The following TM4SF20 variants were observed in gnomAD, a reference collection of about 807,000 sequenced individuals.
TM4SF20 encodes the protein transmembrane 4 L6 family member 20.
TM4SF20 carries 13 observed loss-of-function variants against 15.1 expected under a neutral mutation model. The observed-to-expected ratio is 0.86, with a 90% CI of 0.56 to 1.36. The LOEUF (loss-of-function observed/expected upper bound fraction) is 1.36, where lower values mean the gene tolerates loss of function less well. TM4SF20 is among the 40% of genes most tolerant of loss of function. TM4SF20 has a pLI of 0.00. For missense variants in TM4SF20, 282 were observed against 268.4 expected (o/e 1.05, Z -0.35); for synonymous variants, 92 against 96.6 (o/e 0.95, Z 0.28).
intron 2 of TM4SF20, among the ~76,000 whole-genome samples, chr2:227,368,335 T>TCATA (rs1553786651): frequency 8.1e-6 from 1 of 122,726 alleles, no homozygotes; most frequent in Non-Finnish European, 1.7e-5. Context: ...CATCTATTAT[T>TCATA]TATATATATA....
At chr2:227,378,210 C>CATTTT (rs2076461315) in intron 1 of TM4SF20, among the ~76,000 whole-genome samples, 1 of 152,146 alleles carries the variant, frequency 6.6e-6, no homozygotes. Flanking sequence ...TCCACATCCC[C>CATTTT]ATTTTACACA....
At chr2:227,374,310 G>A (rs1336860906) in intron 1 of TM4SF20, among the ~76,000 whole-genome samples, 3 of 152,148 alleles carry the variant, frequency 2.0e-5, no homozygotes, top group Non-Finnish European at 2.9e-5. Flanking sequence ...ACTTCAAGGC[G>A]TATTAACACA....
intron 1 of TM4SF20, among the ~76,000 whole-genome samples, chr2:227,375,704 C>T (rs540597636): frequency 3.0e-4 from 46 of 152,136 alleles, no homozygotes; most frequent in East Asian, 7.8e-4. Context: ...TTAGCCAGGA[C>T]GGTCTTGATC....
intron 1 of TM4SF20, 56 bp downstream of exon 1, chr2:227,379,030 A>T: frequency 6.4e-7 from 1 of 1,558,282 alleles, no homozygotes; most frequent in Non-Finnish European, 8.7e-7. Context: ...AGCTTTTAGG[A>T]TTTTGGTGAA....
At chr2:227,377,353 G>A (rs757327968) in intron 1 of TM4SF20, among the ~76,000 whole-genome samples, 1 of 152,182 alleles carries the variant, frequency 6.6e-6, no homozygotes, top group Non-Finnish European at 1.5e-5. Context: ...ACAGACACAC[G>A]GATGTACAGT....
In TM4SF20 at chr2:227,372,627, G is replaced by A. The variant is rs200847588; in HGVS notation, c.184-1647C>T. On this transcript the variant is annotated intron_variant, in intron 1 of 3. Transcript: ENST00000304568. ...CTGCACTCCGGCCTGGCGACAGAGC[G>A]AGACTCTATCTCAAAAAAACAAACA... is the stretch of plus-strand genomic sequence containing the variant. Among the ~76,000 whole-genome samples the A allele has an allele frequency of 7.2e-5, 11 of 151,968 alleles. No individual in the cohort carries two copies. The East Asian group carries it at 7.8e-4, about 11-fold the overall frequency.
chr2:227,364,062 A>C, intron 3 of TM4SF20, 50 bp from the exon 4 acceptor site: 1 of 1,534,140 alleles, frequency 6.5e-7, no homozygotes. Context: ...CCCTGACCAA[A>C]GGAAAGTAGC....
chr2:227,368,335 T>A lies in TM4SF20; in HGVS notation c.250-2091A>T, dbSNP rs377668506. On this transcript the variant is annotated intron_variant, in intron 2 of 3. Coordinates refer to ENST00000304568, the MANE Select transcript of TM4SF20 (RefSeq NM_024795.4). ...ACCACGCCTGGCCGCCATCTATTAT[T>A]TATATATATATATATATATAATTTT... 8.1e-3 allele frequency among the ~76,000 whole-genome samples: 990 copies of A among 122,164 alleles called. 11 individuals carry two copies. The highest frequency in any genetic ancestry group is 0.012 in the African/African-American group (391 of 31,868). 80.1% of individuals were successfully genotyped at this position (122,164 alleles called of 152,430 possible).
chr2:227,364,587 G>C (rs1373935114), intron 3 of TM4SF20, among the ~76,000 whole-genome samples: 4 of 152,148 alleles, frequency 2.6e-5, no homozygotes, highest in Non-Finnish European at 4.4e-5. Flanking sequence ...GTTTACTGTA[G>C]AGTAAAATGG....
Position 227,366,380 on chromosome 2 carries a change from G to A in TM4SF20, c.250-136C>T, listed in dbSNP as rs1324142112. 7 of 693,680 alleles carry A rather than the reference G, an allele frequency of 1.0e-5. No individual in the cohort carries two copies. In the Admixed American group the frequency reaches 1.9e-4, roughly 19 times the overall value. 43.0% of individuals were successfully genotyped at this position (693,680 alleles called of 1,614,324 possible). On this transcript the variant is annotated intron_variant, in intron 2 of 3. Coordinates refer to ENST00000304568, the MANE Select transcript of TM4SF20 (RefSeq NM_024795.4). Reference sequence around the variant, plus strand: ...ATCTTAAGATCACAGTTTATTAGGTGTGAATGATACAAAAAGGCAGAGGGC... The same window carrying A: ...ATCTTAAGATCACAGTTTATTAGGTATGAATGATACAAAAAGGCAGAGGGC...
intron 2 of TM4SF20, among the ~76,000 whole-genome samples, chr2:227,367,635 C>A (rs1026595924): frequency 3.9e-5 from 6 of 152,138 alleles, no homozygotes; most frequent in African/African-American, 1.4e-4. Flanking sequence ...TGGGATAATG[C>A]AGCTCCCACA....
Position 227,363,757 on chromosome 2 carries a change from A to T in TM4SF20, c.657T>A (p.Cys219Ter). 1 of 1,614,160 alleles carries T rather than the reference A, an allele frequency of 6.2e-7. No individual in the cohort carries two copies. The highest frequency in any genetic ancestry group is 1.1e-5 in the South Asian group (1 of 91,080). The part of the protein sequence containing the change: ...QIVIGFLGCL[C>*]GVSKRRSQIV ...TTTGACTTCTTCGCTTAGAGACTCC[A>T]CACAGACAGCCAAGGAAACCGATGA... The change falls in exon 4 of 4, where the codon TGT (cysteine) becomes TGA (stop). Residue 219 changes from cysteine to a stop codon, truncating the protein, a stop_gained. Coordinates refer to ENST00000304568, the MANE Select transcript of TM4SF20 (RefSeq NM_024795.4). LOFTEE classifies it high-confidence loss of function.
chr2:227,363,843 C>A lies in TM4SF20; in HGVS notation c.571G>T (p.Val191Leu), dbSNP rs764361308. The change falls in exon 4 of 4, where the codon GTA (valine) becomes TTA (leucine). Residue 191 changes from valine (V) to leucine (L), a missense_variant. Physicochemically the swap from Val to Leu is conservative, Grantham distance 32. Transcript: ENST00000304568. ...ENKHRLIHFS[V>L]FLGLLLVGIL... is the part of the protein sequence containing the mutation. Reference sequence around the variant, plus strand: ...CCAACAAGCAATAGACCTAAAAATACTGAGAAGTGGATAAGCCTATGTTTG... The same window carrying A: ...CCAACAAGCAATAGACCTAAAAATAATGAGAAGTGGATAAGCCTATGTTTG... 2 of 1,614,106 alleles carry A rather than the reference C, an allele frequency of 1.2e-6. No homozygotes were observed. The highest frequency in any genetic ancestry group is 2.2e-5 in the South Asian group (2 of 91,078).
At position 227,362,311 on chromosome 2, in the gene TM4SF20, G is replaced by A. The variant is rs1309568968; in HGVS notation, c.*1413C>T. The stretch of plus-strand genomic sequence containing the variant: ...TTAATTAATGAATAATGTAAACATA[G>A]GAAAATAGGAGGGTATAATGAATTG... On this transcript the variant is annotated 3_prime_UTR_variant, in exon 4 of 4. Transcript: ENST00000304568. 1.3e-5 allele frequency: 2 copies of A among 152,074 alleles called. No individual in the cohort carries two copies. The highest frequency in any genetic ancestry group is 2.9e-5 in the Non-Finnish European group (2 of 68,018). The allele number at this position is 152,074 out of a possible 1,614,324, so 9.4% of individuals were successfully genotyped here. A position where few individuals can be genotyped will look rare whatever the true frequency, so the allele number is the denominator to read the frequency against.
Position 227,377,102 on chromosome 2 carries a change from C to T in TM4SF20, c.183+1984G>A, listed in dbSNP as rs574277444. Among the ~76,000 whole-genome samples, 35 of 150,756 alleles carry T rather than the reference C, an allele frequency of 2.3e-4. No individual in the cohort carries two copies. The South Asian group carries it at 3.4e-3, about 15-fold the overall frequency. ...TGTAGGTATGTGTCATCGCCACCTC[C>T]GACTCCTTTAATGCTAATACATTTT... On this transcript the variant is annotated intron_variant, in intron 1 of 3. Transcript: ENST00000304568.
chr2:227,368,041 G>A (rs182634425), intron 2 of TM4SF20, among the ~76,000 whole-genome samples: 5,515 of 34,534 alleles, frequency 0.16, 337 homozygotes, highest in African/African-American at 0.34. Flanking sequence ...TTTTTTTTTT[G>A]GAGACGGAGT....
rs1271109380 is a variant in TM4SF20, at chr2:227,363,851, T to A, written c.563A>T (p.His188Leu). 6.2e-7 allele frequency: 1 copy of A among 1,614,136 alleles called. No homozygotes were observed. Among genetic ancestry groups the A allele is most frequent in the Admixed American group, 1.7e-5 (1 of 60,020 alleles). ...DSEENKHRLIHFSVFLGLLLV... is the reference protein window; with the variant it reads ...DSEENKHRLILFSVFLGLLLV... ...CAATAGACCTAAAAATACTGAGAAG[T>A]GGATAAGCCTATGTTTGTTTTCTTC... Residue 188 changes from histidine to leucine, a missense_variant, in exon 4 of 4, where the codon CAC (histidine) becomes CTC (leucine). Physicochemically the swap from His to Leu is moderately conservative, Grantham distance 99. Coordinates refer to ENST00000304568, the MANE Select transcript of TM4SF20 (RefSeq NM_024795.4).
At chr2:227,369,862 A>G (rs960339016) in intron 2 of TM4SF20, among the ~76,000 whole-genome samples, 2 of 152,212 alleles carry the variant, frequency 1.3e-5, no homozygotes, top group East Asian at 1.9e-4. Flanking sequence ...TTCATGGTAT[A>G]AAGATCATGA....
intron 1 of TM4SF20, among the ~76,000 whole-genome samples, chr2:227,374,843 C>A (rs1159350588): frequency 1.3e-5 from 2 of 151,356 alleles, no homozygotes; most frequent in Non-Finnish European, 2.9e-5. Flanking sequence ...GTAATTCTGG[C>A]ACTTCGGGAG....
Sources: gnomAD v4.1 joint callset for allele counts (sites outside exome capture counted in the v4.1 genomes callset) on GRCh38, gnomAD v4.1.1 for gene constraint, MANE v1.5 for transcripts, NCBI Gene and HGNC (gene_info 2026-07-23, HGNC 2026-07-21) for gene names.